Variants in CPSF6 observed in about 807,000 individuals in gnomAD.
CPSF6 encodes the protein cleavage and polyadenylation specificity factor subunit 6.
Under a neutral mutation model 56.7 loss-of-function variants are expected in CPSF6, and 10 were observed. That is an observed-to-expected ratio of 0.18 (90% CI 0.11 to 0.30). The LOEUF (loss-of-function observed/expected upper bound fraction) is 0.30. Among genes scored for constraint, CPSF6 ranks in the 10% least tolerant of loss-of-function variants. The probability of loss-of-function intolerance (pLI) is 1.00; values close to 1 mark genes in which losing one functional copy is unlikely to be tolerated. For synonymous variants in CPSF6, 248 were observed against 244.8 expected (o/e 1.01, Z -0.12); for missense variants, 419 against 722.9 (o/e 0.58, Z 4.82).
In CPSF6 at chr12:69,261,852, C is replaced by T. The variant is rs116556867; in HGVS notation, c.1470-521C>T. Among the ~76,000 whole-genome samples the T allele has an allele frequency of 5.5e-3, 833 of 152,162 alleles. 10 individuals are homozygous for T. Among genetic ancestry groups the T allele is most frequent in the African/African-American group, 0.018 (736 of 41,502 alleles). On this transcript the variant is annotated intron_variant, in intron 8 of 9. Transcript: ENST00000435070. ...CTTGCTACTGGTCATAATTGTTAGC[C>T]CTCTCCCATGCCTCTTCTCCTCCCC... is the stretch of plus-strand genomic sequence containing the variant.
At chr12:69,248,383 T>G (rs1188026540) in intron 1 of CPSF6, among the ~76,000 whole-genome samples, 1 of 152,216 alleles carries the variant, frequency 6.6e-6, no homozygotes, top group African/African-American at 2.4e-5. Context: ...GGATGGAAAC[T>G]CAACTCCCTT....
At chr12:69,240,291 G>T (rs887671488) in intron 1 of CPSF6, among the ~76,000 whole-genome samples, 1 of 151,998 alleles carries the variant, frequency 6.6e-6, no homozygotes, top group Non-Finnish European at 1.5e-5. Flanking sequence ...TCCTTCTCGG[G>T]TTTGCGACAG....
intron 2 of CPSF6, 59 bp from the exon 3 acceptor site, chr12:69,252,991 TG>T: frequency 1.1e-6 from 1 of 942,628 alleles, no homozygotes; most frequent in Non-Finnish European, 1.6e-6. Flanking sequence ...AAAACTAGAC[TG>T]GGATAATAAA....
At chr12:69,242,443 A>C (rs1330509567) in intron 1 of CPSF6, among the ~76,000 whole-genome samples, 1 of 152,230 alleles carries the variant, frequency 6.6e-6, no homozygotes, top group Non-Finnish European at 1.5e-5. Context: ...CAACAGTCTT[A>C]GCAGAAACTA....
chr12:69,251,297 A>G lies in CPSF6; in HGVS notation c.229A>G (p.Thr77Ala). 1 of 1,591,620 alleles carries G rather than the reference A, an allele frequency of 6.3e-7. No homozygotes were observed. The highest frequency in any genetic ancestry group is 8.6e-7 in the Non-Finnish European group (1 of 1,161,024). The change falls in exon 2 of 10, where the codon ACT (threonine) becomes GCT (alanine). Residue 77 changes from threonine (T) to alanine (A), a missense_variant. Transcript: ENST00000435070. ...GAAPNVVYTY[T>A]GKRIALYIGN... ...AGCACCAAATGTTGTCTATACATAT[A>G]CTGGAAAGAGAATTGCATTATATAT...
rs1871945545 is a variant in CPSF6, at chr12:69,247,047, C to G, written c.61-4082C>G. On this transcript the variant is annotated intron_variant, in intron 1 of 9. Transcript: ENST00000435070. ...GAATGATGAATATTTTGACAGCCAACAAGTTCATCCCAATAGTGGTATACA... is the reference window on the plus strand; with the variant it reads ...GAATGATGAATATTTTGACAGCCAAGAAGTTCATCCCAATAGTGGTATACA... Among the ~76,000 whole-genome samples, 3 of 152,068 alleles carry G rather than the reference C, an allele frequency of 2.0e-5. No homozygotes were observed. In the South Asian group the frequency reaches 6.2e-4, roughly 31 times the overall value.
Position 69,239,666 on chromosome 12 carries a change from A to T in CPSF6, c.20A>T (p.His7Leu). ...AGGAAGATGGCGGACGGCGTGGACCACATAGACATTTACGCGGATGTCGGC... is the reference window on the plus strand; with the variant it reads ...AGGAAGATGGCGGACGGCGTGGACCTCATAGACATTTACGCGGATGTCGGC... MADGVD[H>L]IDIYADVGEE... Residue 7 changes from histidine to leucine, a missense_variant, in exon 1 of 10, where the codon CAC becomes CTC. His to Leu is a moderately conservative substitution (Grantham distance 99). Around this residue, in one of 4 missense-constraint regions of CPSF6, gnomAD observed 125 missense variants for 216.4 expected, o/e 0.58. Transcript: ENST00000435070. The T allele has an allele frequency of 6.3e-7, 1 of 1,591,304 alleles. No individual in the cohort carries two copies.
At chr12:69,254,558 C>T (rs1872416013) in intron 3 of CPSF6, among the ~76,000 whole-genome samples, 1 of 152,164 alleles carries the variant, frequency 6.6e-6, no homozygotes, top group Non-Finnish European at 1.5e-5. Context: ...CTCTTCCAAG[C>T]CTTTAAGCTT....
At position 69,273,478 on chromosome 12, in the gene CPSF6, T is replaced by C. The variant is rs1873349659; in HGVS notation, c.*3970T>C. ...CACACATCTTGAAGTGGTAACTGCA[T>C]AGTAAATACTACCAAGAGTTTTTTT... On this transcript the variant is annotated 3_prime_UTR_variant, in exon 10 of 10. Transcript: ENST00000435070. 1 of 155,886 alleles carries C rather than the reference T, an allele frequency of 6.4e-6. No homozygotes were observed. Among genetic ancestry groups the C allele is most frequent in the Non-Finnish European group, 1.4e-5 (1 of 70,122 alleles). The allele number at this position is 155,886 out of a possible 1,614,324, so 9.7% of individuals were successfully genotyped here.
At chr12:69,240,687 C>T (rs1871569720) in intron 1 of CPSF6, among the ~76,000 whole-genome samples, 2 of 150,346 alleles carry the variant, frequency 1.3e-5, no homozygotes, top group South Asian at 4.2e-4. Flanking sequence ...TTAAATCCCC[C>T]CACCCCCACC....
chr12:69,265,426 T>G (rs1336124200), intron 9 of CPSF6, among the ~76,000 whole-genome samples: 1 of 152,166 alleles, frequency 6.6e-6, no homozygotes, highest in African/African-American at 2.4e-5. Flanking sequence ...GTGTTAACAA[T>G]TCAGCTTTTC....
intron 9 of CPSF6, among the ~76,000 whole-genome samples, chr12:69,269,267 C>T (rs10878951): frequency 0.14 from 21,355 of 151,708 alleles, 1,595 homozygotes; most frequent in Non-Finnish European, 0.16. Flanking sequence ...CTGCTTCAGT[C>T]ATTAAATTTA....
Position 69,274,282 on chromosome 12 carries a change from A to G in CPSF6, c.*4774A>G, listed in dbSNP as rs1873402060. On this transcript the variant is annotated 3_prime_UTR_variant, in exon 10 of 10. Coordinates refer to ENST00000435070, the MANE Select transcript of CPSF6 (RefSeq NM_007007.3). ...CTGTTCGGCAGTTTGATATATGGCC[A>G]TTGTCGGCCTTAAACTGCACTAGTA... 2 of 151,914 alleles carry G rather than the reference A, an allele frequency of 1.3e-5. No homozygotes were observed. Among genetic ancestry groups the G allele is most frequent in the South Asian group, 4.1e-4 (2 of 4,828 alleles). 9.4% of individuals were successfully genotyped at this position (151,914 alleles called of 1,614,324 possible).
intron 3 of CPSF6, 137 bp from the exon 4 acceptor site, chr12:69,256,560 C>T (rs892982849): frequency 1.0e-5 from 8 of 800,072 alleles, no homozygotes; most frequent in Non-Finnish European, 1.3e-5. Context: ...TTCTAAGCAG[C>T]TGGGATTACA....
rs772947092 is a variant in CPSF6, at chr12:69,262,327, G to T, written c.1470-46G>T. On this transcript the variant is annotated intron_variant, in intron 8 of 9. Coordinates refer to ENST00000435070, the MANE Select transcript of CPSF6 (RefSeq NM_007007.3). ...ACATCAAAAAATTGAATATTTTTAG[G>T]CTATCTAATTATGGAGAGCATTAAT... 7 of 1,463,700 alleles carry T rather than the reference G, an allele frequency of 4.8e-6. No homozygotes were observed. In the East Asian group the frequency reaches 9.2e-5, roughly 19 times the overall value. 90.7% of individuals were successfully genotyped at this position (1,463,700 alleles called of 1,614,324 possible).
intron 1 of CPSF6, among the ~76,000 whole-genome samples, chr12:69,241,550 A>C (rs1199390555): frequency 6.6e-6 from 1 of 152,212 alleles, no homozygotes; most frequent in Non-Finnish European, 1.5e-5. Context: ...GTACCTCTTA[A>C]TGAAATATTT....
Position 69,258,681 on chromosome 12 carries a change from T to A in CPSF6, c.786T>A (p.Pro262=). Residue 262 remains proline, a synonymous_variant, in exon 6 of 10, where the codon CCT becomes CCA. Coordinates refer to ENST00000435070, the MANE Select transcript of CPSF6 (RefSeq NM_007007.3). The surrounding 1 kb of genome is among the most constrained non-coding windows in gnomAD (Gnocchi z 4.2). ...PPPPGQVLPP[P]LAGPPNRGDR... Reference sequence around the variant, plus strand: ...CTCCTGGTCAGGTTCTGCCTCCTCCTCTAGCTGGGCCTCCTAATCGAGGAG... The same window carrying A: ...CTCCTGGTCAGGTTCTGCCTCCTCCACTAGCTGGGCCTCCTAATCGAGGAG... The A allele has an allele frequency of 1.9e-6, 3 of 1,613,990 alleles. No individual in the cohort carries two copies. The highest frequency in any genetic ancestry group is 2.5e-6 in the Non-Finnish European group (3 of 1,179,988).
Position 69,257,718 on chromosome 12 carries a change from T to G in CPSF6, c.521-14T>G. 1.9e-6 allele frequency: 3 copies of G among 1,601,504 alleles called. No individual in the cohort carries two copies. Among genetic ancestry groups the G allele is most frequent in the Non-Finnish European group, 1.7e-6 (2 of 1,176,654 alleles). ...TTTAATAAGTGCTATTTATGAGTAT[T>G]TGGATATTTGCAGCTACACAATCAG... On this transcript the variant is annotated splice_polypyrimidine_tract_variant and intron_variant, in intron 4 of 9. Transcript: ENST00000435070.
chr12:69,244,327 CT>C (rs1156517780), intron 1 of CPSF6, among the ~76,000 whole-genome samples: 1 of 152,034 alleles, frequency 6.6e-6, no homozygotes, highest in African/African-American at 2.4e-5. Flanking sequence ...CCTCTGCCTC[CT>C]GGGTTCAAGC....
Sources: allele counts gnomAD v4.1 joint callset (sites outside exome capture counted in the v4.1 genomes callset), GRCh38; gene constraint gnomAD v4.1.1; regional missense constraint gnomAD v4.1.1; non-coding constraint Gnocchi (gnomAD v3.1); transcripts MANE v1.5; gene names NCBI Gene and HGNC (gene_info 2026-07-23, HGNC 2026-07-21).